Variants in RANBP2 observed in about 807,000 individuals in gnomAD.
RANBP2 encodes the protein RAN binding protein 2.
In RANBP2, 57 loss-of-function variants were observed where a neutral mutation model predicts 303.6. The observed-to-expected ratio is 0.19, with a 90% CI of 0.15 to 0.23. The LOEUF (loss-of-function observed/expected upper bound fraction) is 0.23, where lower values mean the gene tolerates loss of function less well. RANBP2 is among the 10% of genes least tolerant of loss of function. RANBP2 has a pLI of 1.00. For synonymous variants in RANBP2, 1,167 were observed against 1,301.5 expected (o/e 0.90, Z 2.23); for missense variants, 3,138 against 3,780.8 (o/e 0.83, Z 4.46).
the RANBP2 span, among the ~76,000 whole-genome samples, chr2:108,964,145 A>G: frequency 6.6e-6 from 1 of 152,228 alleles, no homozygotes; most frequent in Non-Finnish European, 1.5e-5. Context: ...GGCAGCACAG[A>G]AGATAGTCTT....
At chr2:109,072,427 A>G in the RANBP2 span, among the ~76,000 whole-genome samples, 1 of 152,148 alleles carries the variant, frequency 6.6e-6, no homozygotes, top group African/African-American at 2.4e-5. Context: ...TACTTAGGGC[A>G]TCTGGTTGAC....
the RANBP2 span, among the ~76,000 whole-genome samples, chr2:109,483,299 C>T: frequency 1.3e-5 from 2 of 152,236 alleles, no homozygotes; most frequent in Middle Eastern, 3.2e-3. Context: ...GTCCCCGTTT[C>T]TTTCTTCTGA....
At chr2:109,250,859 CA>C in the RANBP2 span, among the ~76,000 whole-genome samples, 1 of 151,646 alleles carries the variant, frequency 6.6e-6, no homozygotes, top group Non-Finnish European at 1.5e-5. Flanking sequence ...TTAGGTAGAA[CA>C]AAAAATCAAA....
the RANBP2 span, among the ~76,000 whole-genome samples, chr2:109,607,588 T>TTTATTA: frequency 1.3e-5 from 2 of 152,216 alleles, no homozygotes; most frequent in Admixed American, 1.3e-4. Flanking sequence ...AGGGAGAACT[T>TTTATTA]AATTACCTGG....
the RANBP2 span, among the ~76,000 whole-genome samples, chr2:109,660,450 C>T: frequency 6.6e-6 from 1 of 152,254 alleles, no homozygotes; most frequent in African/African-American, 2.4e-5. Context: ...GCTTTTATTG[C>T]TTCATTCTTT....
At chr2:108,973,547 T>C in the RANBP2 span, among the ~76,000 whole-genome samples, 1 of 152,176 alleles carries the variant, frequency 6.6e-6, no homozygotes, top group African/African-American at 2.4e-5. Context: ...GCCATGGACA[T>C]TTCCAGCCTG....
At chr2:109,431,870 C>CAA in the RANBP2 span, among the ~76,000 whole-genome samples, 2 of 142,902 alleles carry the variant, frequency 1.4e-5, no homozygotes, top group African/African-American at 5.1e-5. Flanking sequence ...GATGCTGTTT[C>CAA]AAAAAAAAAA....
chr2:109,714,085 T>A, the RANBP2 span, among the ~76,000 whole-genome samples: 1 of 152,172 alleles, frequency 6.6e-6, no homozygotes, highest in African/African-American at 2.4e-5. Context: ...GGTTCTTTTT[T>A]ATTTTTTCTT....
the RANBP2 span, chr2:108,846,795 G>C: frequency 6.2e-7 from 1 of 1,612,526 alleles, no homozygotes; most frequent in Non-Finnish European, 8.5e-7. Context: ...TAAAGGAGTG[G>C]TAACTAAAGG....
At chr2:109,283,091 G>A in the RANBP2 span, among the ~76,000 whole-genome samples, 1 of 152,248 alleles carries the variant, frequency 6.6e-6, no homozygotes, top group African/African-American at 2.4e-5. Flanking sequence ...GTCATGGGCA[G>A]CAGCGGTGAT....
chr2:109,681,135 C>G, the RANBP2 span, among the ~76,000 whole-genome samples: 1 of 152,210 alleles, frequency 6.6e-6, no homozygotes. Flanking sequence ...GGAGGAATCC[C>G]ATGAACACAC....
chr2:109,569,831 G>A, the RANBP2 span, among the ~76,000 whole-genome samples: 2 of 149,826 alleles, frequency 1.3e-5, no homozygotes, highest in African/African-American at 2.5e-5. Context: ...AAAGAGGGTC[G>A]CTTGTCACCA....
At chr2:109,273,024 G>T in the RANBP2 span, among the ~76,000 whole-genome samples, 1 of 152,128 alleles carries the variant, frequency 6.6e-6, no homozygotes, top group Non-Finnish European at 1.5e-5. Context: ...TTAAAAAGTT[G>T]GTTTTAATTT....
At chr2:109,264,125 A>G in the RANBP2 span, among the ~76,000 whole-genome samples, 3 of 152,100 alleles carry the variant, frequency 2.0e-5, no homozygotes, top group African/African-American at 7.2e-5. Context: ...CCACCTCCCC[A>G]GGATCCACCT....
At chr2:109,506,629 C>A in the RANBP2 span, among the ~76,000 whole-genome samples, 4 of 152,154 alleles carry the variant, frequency 2.6e-5, no homozygotes, top group African/African-American at 4.8e-5. Flanking sequence ...TTACAACAGC[C>A]CCCGAAGTGT....
At chr2:108,845,435 A>C in the RANBP2 span, among the ~76,000 whole-genome samples, 1 of 152,160 alleles carries the variant, frequency 6.6e-6, no homozygotes, top group African/African-American at 2.4e-5. Flanking sequence ...TTTCATGCAG[A>C]TAGGGGAAAC....
the RANBP2 span, among the ~76,000 whole-genome samples, chr2:109,481,228 TCC>T: frequency 6.6e-6 from 1 of 151,774 alleles, no homozygotes. Flanking sequence ...GTGGCGAGGG[TCC>T]CCCCACACAG....
the RANBP2 span, among the ~76,000 whole-genome samples, chr2:108,964,379 G>C: frequency 6.6e-6 from 1 of 152,142 alleles, no homozygotes; most frequent in South Asian, 2.1e-4. Flanking sequence ...CTCCAAAGCA[G>C]TCCCACTAAC....
At chr2:109,604,465 G>A in the RANBP2 span, among the ~76,000 whole-genome samples, 1 of 150,792 alleles carries the variant, frequency 6.6e-6, no homozygotes, top group East Asian at 2.0e-4. Flanking sequence ...GGTGGCTGAG[G>A]CCTGTAATCC....
Sources: allele counts gnomAD v4.1 joint callset (sites outside exome capture counted in the v4.1 genomes callset), GRCh38; gene constraint gnomAD v4.1.1; transcripts MANE v1.5; gene names NCBI Gene and HGNC (gene_info 2026-07-23, HGNC 2026-07-21).